SYN2: variants seen among roughly 807,000 people sequenced by gnomAD.
SYN2 encodes synapsin-2.
A neutral mutation model predicts 50.9 loss-of-function variants in SYN2; 19 were observed. That is an observed-to-expected ratio of 0.37 (90% CI 0.26 to 0.55). SYN2 has a LOEUF of 0.55. Among genes scored for constraint, SYN2 ranks in the 20% least tolerant of loss-of-function variants. The pLI is 0.81. For synonymous variants in SYN2, 255 were observed against 224.9 expected, an observed-to-expected ratio of 1.13 and a Z score of -1.20; for missense variants, 587 against 576.4, an observed-to-expected ratio of 1.02 and a Z score of -0.19.
chr3:12,045,019 G>A (rs1266681445), intron 1 of SYN2, among the ~76,000 whole-genome samples: 3 of 152,166 alleles, frequency 2.0e-5, no homozygotes, highest in African/African-American at 7.2e-5. Flanking sequence ...AAGTGGTGGA[G>A]ATGGAATCAT....
intron 1 of SYN2, among the ~76,000 whole-genome samples, chr3:12,100,118 AT>A (rs1002746779): frequency 1.3e-5 from 2 of 152,110 alleles, no homozygotes; most frequent in African/African-American, 4.8e-5. Flanking sequence ...GCAGTTTTTT[AT>A]TGCAGAAATT....
At chr3:12,142,501 T>A (rs750160040) in intron 3 of SYN2, among the ~76,000 whole-genome samples, 1 of 152,172 alleles carries the variant, frequency 6.6e-6, no homozygotes, top group Non-Finnish European at 1.5e-5. Flanking sequence ...ATATTCCTCA[T>A]TCCTGGGAAC....
At chr3:12,187,304 TA>T in intron 11 of SYN2, 64 bp from the exon 12 acceptor site, 1 of 1,467,398 alleles carries the variant, frequency 6.8e-7, no homozygotes. Flanking sequence ...CTTTGAGGCA[TA>T]AATTCTAATA....
At chr3:12,033,611 C>G (rs984599711) in intron 1 of SYN2, among the ~76,000 whole-genome samples, 2 of 152,200 alleles carry the variant, frequency 1.3e-5, no homozygotes, top group Non-Finnish European at 2.9e-5. Flanking sequence ...ACCACCACCA[C>G]TTATTTCAGA....
chr3:12,050,536 G>A (rs1054636896), intron 1 of SYN2, among the ~76,000 whole-genome samples: 4 of 151,092 alleles, frequency 2.6e-5, no homozygotes, highest in African/African-American at 9.7e-5. Context: ...AGTAGACATG[G>A]GGTTTCACCA....
At chr3:12,184,700 A>ACCAGTTTG (rs1295244279) in intron 11 of SYN2, 2 of 985,768 alleles carry the variant, frequency 2.0e-6, no homozygotes, top group Non-Finnish European at 2.4e-6. Context: ...AGGAATCCTC[A>ACCAGTTTG]CCAGTTTGTT....
chr3:12,174,727 A>G (rs1283168093), intron 10 of SYN2, among the ~76,000 whole-genome samples: 1 of 152,064 alleles, frequency 6.6e-6, no homozygotes, highest in African/African-American at 2.4e-5. Flanking sequence ...TGATCCGCCC[A>G]CCTTGGCCTC....
At chr3:12,165,975 GTCTTAC>G (rs1469151768) in intron 7 of SYN2, among the ~76,000 whole-genome samples, 1 of 152,122 alleles carries the variant, frequency 6.6e-6, no homozygotes, top group Non-Finnish European at 1.5e-5. Flanking sequence ...ACCTTTCTGA[GTCTTAC>G]TCTTATCTGT....
intron 1 of SYN2, among the ~76,000 whole-genome samples, chr3:12,094,176 C>T (rs1180969944): frequency 3.3e-5 from 5 of 152,074 alleles, no homozygotes; most frequent in East Asian, 1.9e-4. Context: ...ATATTTAGTT[C>T]TCTACTGTCT....
At chr3:12,153,131 T>C in intron 5 of SYN2, 1 of 296,852 alleles carries the variant, frequency 3.4e-6, no homozygotes. Context: ...TCTGATACTG[T>C]ACATCGCAAG....
chr3:12,084,257 TC>T (rs1043745059), intron 1 of SYN2, among the ~76,000 whole-genome samples: 1 of 152,178 alleles, frequency 6.6e-6, no homozygotes, highest in Non-Finnish European at 1.5e-5. Flanking sequence ...GAGGAGCCCT[TC>T]AAAATAATAG....
chr3:12,016,462 A>G (rs1007799463), intron 1 of SYN2, among the ~76,000 whole-genome samples: 4 of 152,242 alleles, frequency 2.6e-5, no homozygotes, highest in African/African-American at 4.8e-5. Flanking sequence ...AGAGCATTGC[A>G]AACACTTAAA....
intron 1 of SYN2, among the ~76,000 whole-genome samples, chr3:12,112,273 C>T (rs553182037): frequency 1.3e-5 from 2 of 152,212 alleles, no homozygotes; most frequent in South Asian, 2.1e-4. Flanking sequence ...TTGATCAGCT[C>T]TATTTTCTTT....
chr3:12,059,891 A>G (rs1263641215), intron 1 of SYN2, among the ~76,000 whole-genome samples: 1 of 152,200 alleles, frequency 6.6e-6, no homozygotes, highest in African/African-American at 2.4e-5. Context: ...AAATGAAAGC[A>G]GCGGGTATCA....
chr3:12,186,828 C>T (rs1004508965), intron 11 of SYN2, among the ~76,000 whole-genome samples: 1 of 152,164 alleles, frequency 6.6e-6, no homozygotes, highest in African/African-American at 2.4e-5. Flanking sequence ...AAACACTACC[C>T]CTTAAAAGAC....
rs1438203581 is a variant in SYN2, at chr3:12,187,632, C to T, written c.1613+20C>T. On this transcript the variant is annotated intron_variant, in intron 12 of 12. Transcript: ENST00000621198. ...GCTCAAGTAAGAGACAACTCAGCAG[C>T]TCCTCCCTCCCCTCCTCCTACCCTT... The T allele has an allele frequency of 1.3e-6, 2 of 1,525,364 alleles. No individual in the cohort carries two copies. The highest frequency in any genetic ancestry group is 1.8e-6 in the Non-Finnish European group (2 of 1,128,118). The allele number at this position is 1,525,364 out of a possible 1,614,324, so 94.5% of individuals were successfully genotyped here.
intron 1 of SYN2, among the ~76,000 whole-genome samples, chr3:12,032,998 C>T (rs1320622597): frequency 7.9e-6 from 1 of 126,880 alleles, no homozygotes; most frequent in Non-Finnish European, 1.6e-5. Context: ...TGTTTTTTCC[C>T]CATCTTTGTG....
chr3:12,061,961 A>G (rs936321193), intron 1 of SYN2, among the ~76,000 whole-genome samples: 3 of 152,110 alleles, frequency 2.0e-5, no homozygotes, highest in Non-Finnish European at 2.9e-5. Flanking sequence ...TGATCTGTAG[A>G]TGCAGTGGAA....
At chr3:12,009,229 T>TGG (rs1355844194) in intron 1 of SYN2, among the ~76,000 whole-genome samples, 1 of 152,174 alleles carries the variant, frequency 6.6e-6, no homozygotes, top group Non-Finnish European at 1.5e-5. Context: ...ACTTTATAAA[T>TGG]GGGGAAATCT....
Sources: gnomAD v4.1 joint callset for allele counts (sites outside exome capture counted in the v4.1 genomes callset) on GRCh38, gnomAD v4.1.1 for gene constraint, MANE v1.5 for transcripts, NCBI Gene and HGNC (gene_info 2026-07-23, HGNC 2026-07-21) for gene names.